The following XPOT variants were observed in gnomAD, a reference collection of about 807,000 sequenced individuals.
XPOT encodes the protein exportin for tRNA.
XPOT carries 34 observed loss-of-function variants against 128.2 expected under a neutral mutation model. That is an observed-to-expected ratio of 0.27 (90% CI 0.20 to 0.35). The LOEUF (loss-of-function observed/expected upper bound fraction) is 0.35. XPOT is among the 10% of genes least tolerant of loss of function. The probability of loss-of-function intolerance (pLI) is 1.00; values close to 1 mark genes in which losing one functional copy is unlikely to be tolerated. For missense variants in XPOT, 838 were observed against 1,125.3 expected, an observed-to-expected ratio of 0.74 and a Z score of 3.65; for synonymous variants, 348 against 394.3, an observed-to-expected ratio of 0.88 and a Z score of 1.39.
chr12:64,434,247 C>T (rs548580710), intron 19 of XPOT, among the ~76,000 whole-genome samples: 97 of 152,252 alleles, frequency 6.4e-4, no homozygotes, highest in African/African-American at 2.0e-3. Context: ...CAATCTTCCT[C>T]GGCCTTACAA....
At position 64,448,814 on chromosome 12, in the gene XPOT, T is replaced by G. The variant is rs1221471743; in HGVS notation, c.*683T>G. ...GATGCTTTAATTCATTTAACCTCAC[T>G]CCTCAAAGGTAACATGCAACTTAGT... On this transcript the variant is annotated 3_prime_UTR_variant, in exon 25 of 25. Coordinates refer to ENST00000332707, the MANE Select transcript of XPOT (RefSeq NM_007235.6). 1 of 152,142 alleles carries G rather than the reference T, an allele frequency of 6.6e-6. No homozygotes were observed. The highest frequency in any genetic ancestry group is 2.4e-5 in the African/African-American group (1 of 41,416). 9.4% of individuals were successfully genotyped at this position (152,142 alleles called of 1,614,324 possible).
intron 16 of XPOT, 93 bp from the exon 17 acceptor site, chr12:64,429,956 T>C (rs1255290358): frequency 8.6e-7 from 1 of 1,165,618 alleles, no homozygotes; most frequent in South Asian, 1.6e-5. Flanking sequence ...GTTGGTGTGA[T>C]AGATTACATT....
At chr12:64,408,617 T>TA (rs1247305464) in intron 1 of XPOT, among the ~76,000 whole-genome samples, 5 of 152,052 alleles carry the variant, frequency 3.3e-5, no homozygotes, top group Admixed American at 6.6e-5. Flanking sequence ...TCTCAGAGAT[T>TA]AAAAAAAATC....
At chr12:64,418,674 T>C (rs1418285972) in intron 5 of XPOT, among the ~76,000 whole-genome samples, 1 of 152,202 alleles carries the variant, frequency 6.6e-6, no homozygotes, top group African/African-American at 2.4e-5. Context: ...CATTTAATTG[T>C]TCTTCATCTG....
chr12:64,423,058 G>T lies in XPOT; in HGVS notation c.1119+15G>T. The T allele has an allele frequency of 6.2e-7, 1 of 1,612,734 alleles. No homozygotes were observed. Among genetic ancestry groups the T allele is most frequent in the Non-Finnish European group, 8.5e-7 (1 of 1,179,632 alleles). ...CTAATGTAGAGGTAATTGACTTTATGCTTCTTTTAAACCAATGATAGATTT... is the reference window on the plus strand; with the variant it reads ...CTAATGTAGAGGTAATTGACTTTATTCTTCTTTTAAACCAATGATAGATTT... On this transcript the variant is annotated intron_variant, in intron 10 of 24. Transcript: ENST00000332707.
chr12:64,425,548 A>G, intron 14 of XPOT, 91 bp downstream of exon 14: 1 of 1,497,432 alleles, frequency 6.7e-7, no homozygotes, highest in Non-Finnish European at 9.0e-7. Flanking sequence ...AACTTTTCTC[A>G]GAATCAAAAC....
intron 2 of XPOT, among the ~76,000 whole-genome samples, chr12:64,412,812 A>T (rs991638559): frequency 6.6e-6 from 1 of 152,178 alleles, no homozygotes; most frequent in African/African-American, 2.4e-5. Context: ...CATATTTCTG[A>T]TGATGGAGTA....
intron 2 of XPOT, among the ~76,000 whole-genome samples, chr12:64,412,513 A>C (rs139818784): frequency 6.6e-6 from 1 of 152,286 alleles, no homozygotes; most frequent in East Asian, 1.9e-4. Flanking sequence ...AGATATTCCT[A>C]AAGAATACCC....
chr12:64,440,812 A>G (rs1005928318), intron 23 of XPOT, among the ~76,000 whole-genome samples: 3 of 152,266 alleles, frequency 2.0e-5, no homozygotes, highest in African/African-American at 4.8e-5. Flanking sequence ...GTTTTTTGCT[A>G]TTGAATTAGA....
chr12:64,426,026 A>G, intron 15 of XPOT, 117 bp downstream of exon 15: 3 of 918,916 alleles, frequency 3.3e-6, no homozygotes, highest in East Asian at 5.0e-5. Flanking sequence ...GATTAGATAA[A>G]GAAAATGTAG....
chr12:64,424,869 T>C, intron 12 of XPOT, 146 bp downstream of exon 12: 1 of 1,329,134 alleles, frequency 7.5e-7, no homozygotes, highest in Non-Finnish European at 1.0e-6. Context: ...ACTTGTCTTC[T>C]TGATTTATCT....
intron 22 of XPOT, among the ~76,000 whole-genome samples, chr12:64,437,115 G>T (rs1220832321): frequency 1.3e-5 from 2 of 151,998 alleles, no homozygotes; most frequent in Admixed American, 6.6e-5. Context: ...TTGATTTTTT[G>T]ATTCTGATAG....
intron 15 of XPOT, among the ~76,000 whole-genome samples, chr12:64,427,307 G>A (rs968415386): frequency 6.6e-6 from 1 of 151,812 alleles, no homozygotes; most frequent in Non-Finnish European, 1.5e-5. Flanking sequence ...TTTTAGTAGA[G>A]ATGGGGCTTC....
Position 64,424,698 on chromosome 12 carries a change from C to G in XPOT, c.1282C>G (p.Arg428Gly), listed in dbSNP as rs552782852. ...VSPELLLASVRRVFSSTLQNW... is the reference protein window; with the variant it reads ...VSPELLLASVGRVFSSTLQNW... ...ACCAGAGTTACTACTGGCCTCTGTT[C>G]GCAGAGTTTTTAGTTCTACACTGCA... Residue 428 changes from arginine to glycine, a missense_variant, in exon 12 of 25, where the codon CGC becomes GGC. This residue lies in a region of XPOT where 761 missense variants were observed against 988.3 expected (regional missense o/e 0.77). Transcript: ENST00000332707. 27 of 1,613,470 alleles carry G rather than the reference C, an allele frequency of 1.7e-5. 1 individual carries two copies. The highest frequency in any genetic ancestry group is 1.5e-4 in the South Asian group (14 of 91,048).
Position 64,419,962 on chromosome 12 carries a change from T to G in XPOT, c.490-108T>G, listed in dbSNP as rs569204902. 4.5e-5 allele frequency: 41 copies of G among 912,744 alleles called. 2 individuals are homozygous for G. The South Asian group carries it at 5.8e-4, about 13-fold the overall frequency. The allele number at this position is 912,744 out of a possible 1,614,324, so 56.5% of individuals were successfully genotyped here. A position where few individuals can be genotyped will look rare whatever the true frequency, so the allele number is the denominator to read the frequency against. ...AGAGCTGGTAAATAGGAAATACTGGTAGGGAATGTGTTAACAAGTCTGAAA... is the reference window on the plus strand; with the variant it reads ...AGAGCTGGTAAATAGGAAATACTGGGAGGGAATGTGTTAACAAGTCTGAAA... On this transcript the variant is annotated intron_variant, in intron 6 of 24. Coordinates refer to ENST00000332707, the MANE Select transcript of XPOT (RefSeq NM_007235.6).
At chr12:64,425,752 C>T in intron 14 of XPOT, 63 bp from the exon 15 acceptor site, 1 of 1,502,524 alleles carries the variant, frequency 6.7e-7, no homozygotes, top group South Asian at 1.1e-5. Context: ...AAAAATGTAG[C>T]AGGACAATAT....
intron 4 of XPOT, among the ~76,000 whole-genome samples, 157 bp downstream of exon 4, chr12:64,416,911 T>C (rs923982350): frequency 6.6e-6 from 1 of 152,150 alleles, no homozygotes. Context: ...TACCCCAAAG[T>C]GTTTTAAAAG....
Position 64,442,088 on chromosome 12 carries a change from G to GA in XPOT, c.2805+2774dup, listed in dbSNP as rs200818586. Among the ~76,000 whole-genome samples the GA allele has an allele frequency of 3.9e-3, 585 of 151,946 alleles. 4 individuals carry two copies. The highest frequency in any genetic ancestry group is 0.013 in the African/African-American group (550 of 41,410). On this transcript the variant is annotated intron_variant, in intron 23 of 24. Transcript: ENST00000332707. Reference sequence around the variant, plus strand: ...TACATAATGTGTAAAGTGGGGGGGGGACCCTTTTATTGCAAAGACATTTCC... The same window carrying GA: ...TACATAATGTGTAAAGTGGGGGGGGGAACCCTTTTATTGCAAAGACATTTCC...
intron 1 of XPOT, among the ~76,000 whole-genome samples, chr12:64,407,460 T>G (rs2039993726): frequency 6.9e-6 from 1 of 145,086 alleles, no homozygotes; most frequent in South Asian, 2.2e-4. Context: ...CACTCCACCC[T>G]GGGCAACAGA....
Sources: gnomAD v4.1 joint callset for allele counts (sites outside exome capture counted in the v4.1 genomes callset) on GRCh38, gnomAD v4.1.1 for gene constraint, gnomAD v4.1.1 regional missense constraint, MANE v1.5 for transcripts, NCBI Gene and HGNC (gene_info 2026-07-23, HGNC 2026-07-21) for gene names.